GPHN: variants seen among roughly 807,000 people sequenced by gnomAD.
GPHN encodes the protein gephyrin.
In GPHN, 17 loss-of-function variants were observed where a neutral mutation model predicts 95.5. The observed-to-expected ratio is 0.18, with a 90% confidence interval of 0.12 to 0.27. The LOEUF (loss-of-function observed/expected upper bound fraction) is 0.27, where lower values mean the gene tolerates loss of function less well. Among genes scored for constraint, GPHN ranks in the 10% least tolerant of loss-of-function variants. The probability of loss-of-function intolerance (pLI) is 1.00; values close to 1 mark genes in which losing one functional copy is unlikely to be tolerated. For missense variants in GPHN, 660 were observed against 978.1 expected, an observed-to-expected ratio of 0.67 and a Z score of 4.34; for synonymous variants, 320 against 322.5, an observed-to-expected ratio of 0.99 and a Z score of 0.08.
intron 18 of GPHN, among the ~76,000 whole-genome samples, chr14:67,148,111 A>C (rs1461360640): frequency 6.6e-6 from 1 of 152,200 alleles, no homozygotes; most frequent in Non-Finnish European, 1.5e-5. Context: ...AATTTTTCAA[A>C]ACAATAAAAT....
At chr14:66,901,932 T>G (rs562253600) in intron 5 of GPHN, among the ~76,000 whole-genome samples, 33 of 152,238 alleles carry the variant, frequency 2.2e-4, no homozygotes, top group Admixed American at 1.4e-3. Flanking sequence ...GATATTTTGA[T>G]AGAGATTCCA....
chr14:66,552,045 G>T (rs2059832452), intron 1 of GPHN, among the ~76,000 whole-genome samples: 1 of 152,098 alleles, frequency 6.6e-6, no homozygotes, highest in Admixed American at 6.6e-5. Context: ...CTGGTTAAGA[G>T]GGACTTCTGA....
the GPHN span, chr14:67,223,760 T>C: frequency 2.0e-6 from 2 of 985,124 alleles, no homozygotes; most frequent in South Asian, 9.4e-5. Context: ...TAGGCTTGTA[T>C]AGTTTTTCAG....
chr14:66,819,001 A>C (rs1025101402), intron 3 of GPHN, among the ~76,000 whole-genome samples: 6 of 152,124 alleles, frequency 3.9e-5, no homozygotes, highest in Non-Finnish European at 7.4e-5. Flanking sequence ...TGTCAGATGC[A>C]TAGTTTGCAA....
At chr14:66,768,067 C>T (rs1013649490) in intron 2 of GPHN, among the ~76,000 whole-genome samples, 4 of 151,774 alleles carry the variant, frequency 2.6e-5, no homozygotes. Flanking sequence ...AGGAAAACCT[C>T]TAAAATATAC....
At chr14:67,199,888 T>A in the GPHN span, 46 of 1,487,024 alleles carry the variant, frequency 3.1e-5, no homozygotes, top group Non-Finnish European at 3.8e-5. Context: ...TGGCCCCCCA[T>A]CGGCAGGAAC....
the GPHN span, among the ~76,000 whole-genome samples, chr14:67,316,256 T>C: frequency 1.4e-4 from 22 of 152,300 alleles, no homozygotes; most frequent in Admixed American, 4.6e-4. Context: ...TATTAAAATA[T>C]TAATTTTGTA....
intron 1 of GPHN, among the ~76,000 whole-genome samples, chr14:66,559,061 A>T (rs2060122398): frequency 1.3e-5 from 2 of 152,182 alleles, no homozygotes; most frequent in South Asian, 4.1e-4. Context: ...TACAAAGGAC[A>T]TGAACTCATC....
At chr14:67,280,739 G>A in the GPHN span, among the ~76,000 whole-genome samples, 2 of 151,864 alleles carry the variant, frequency 1.3e-5, no homozygotes, top group Admixed American at 1.3e-4. Flanking sequence ...AAGGTACCAT[G>A]TATATGCCAG....
At chr14:67,371,780 A>G in the GPHN span, among the ~76,000 whole-genome samples, 1 of 152,250 alleles carries the variant, frequency 6.6e-6, no homozygotes, top group African/African-American at 2.4e-5. Context: ...GACTAATTTT[A>G]TGAGGCCATC....
chr14:66,811,157 G>A (rs1476468614), intron 3 of GPHN, among the ~76,000 whole-genome samples: 1 of 152,138 alleles, frequency 6.6e-6, no homozygotes, highest in Non-Finnish European at 1.5e-5. Context: ...GAGGAGCAGA[G>A]TAGGGACAAG....
the GPHN span, among the ~76,000 whole-genome samples, chr14:67,215,322 G>T: frequency 6.6e-6 from 1 of 152,002 alleles, no homozygotes; most frequent in African/African-American, 2.4e-5. Flanking sequence ...GGGAATTGCT[G>T]TTATCACCTA....
chr14:66,527,589 C>G (rs1252137044), intron 1 of GPHN, among the ~76,000 whole-genome samples: 1 of 152,080 alleles, frequency 6.6e-6, no homozygotes, highest in Non-Finnish European at 1.5e-5. Context: ...TTCCTGCTTT[C>G]TCTTGTGGGC....
At chr14:66,645,809 A>G (rs1038119942) in intron 1 of GPHN, among the ~76,000 whole-genome samples, 10 of 152,074 alleles carry the variant, frequency 6.6e-5, no homozygotes, top group East Asian at 1.9e-4. Context: ...CTCTCATTAG[A>G]TACTCAGACT....
chr14:66,836,787 A>G (rs1008074863), intron 4 of GPHN, among the ~76,000 whole-genome samples: 45 of 152,210 alleles, frequency 3.0e-4, no homozygotes, highest in Admixed American at 2.7e-3. Flanking sequence ...GGCGAAGGAC[A>G]TGAACAGACA....
chr14:67,132,945 T>C (rs954630941), intron 17 of GPHN, among the ~76,000 whole-genome samples: 5 of 151,930 alleles, frequency 3.3e-5, no homozygotes, highest in African/African-American at 7.2e-5. Context: ...TTTCACTCAT[T>C]TTTCTAACTT....
At chr14:67,690,994 A>T in the GPHN span, 3 of 646,092 alleles carry the variant, frequency 4.6e-6, no homozygotes, top group African/African-American at 5.4e-5. Flanking sequence ...TTCCTCAGCT[A>T]TCAGGTAGGA....
the GPHN span, chr14:67,657,361 C>G: frequency 6.6e-6 from 1 of 152,228 alleles, no homozygotes. Context: ...GCCTGCCACA[C>G]TGGGGGTGAT....
chr14:66,523,525 G>A (rs957135912), intron 1 of GPHN, among the ~76,000 whole-genome samples: 1 of 152,070 alleles, frequency 6.6e-6, no homozygotes, highest in African/African-American at 2.4e-5. Flanking sequence ...ACAATATTAT[G>A]TTTTAGGTTC....
Sources: gnomAD v4.1 joint callset for allele counts (sites outside exome capture counted in the v4.1 genomes callset) on GRCh38, gnomAD v4.1.1 for gene constraint, MANE v1.5 for transcripts, NCBI Gene and HGNC (gene_info 2026-07-23, HGNC 2026-07-21) for gene names.